GLRA3: variants seen among roughly 807,000 people sequenced by gnomAD.
GLRA3 encodes the protein glycine receptor alpha 3.
In GLRA3, 44 loss-of-function variants were observed where a neutral mutation model predicts 60.4. The observed-to-expected ratio is 0.73, with a 90% CI of 0.57 to 0.94. GLRA3 has a LOEUF of 0.94. Ranked by LOEUF, GLRA3 falls within the 40% of genes least tolerant of loss-of-function variation. The pLI is 0.00. For missense variants in GLRA3, 508 were observed against 564.6 expected (o/e 0.90, Z 1.02); for synonymous variants, 223 against 192.9 (o/e 1.16, Z -1.29).
intron 5 of GLRA3, among the ~76,000 whole-genome samples, chr4:174,690,667 C>T (rs907012112): frequency 1.3e-5 from 2 of 152,104 alleles, no homozygotes; most frequent in Non-Finnish European, 2.9e-5. Flanking sequence ...CTTCCTCTCC[C>T]ACCTCAAGTA....
In GLRA3 at chr4:174,642,146, A is replaced by C. The variant is rs1307226204; in HGVS notation, c.*1640T>G. 1.1e-6 allele frequency: 1 copy of C among 872,754 alleles called. No individual in the cohort carries two copies. The highest frequency in any genetic ancestry group is 1.4e-6 in the Non-Finnish European group (1 of 727,392). 54.1% of individuals were successfully genotyped at this position (872,754 alleles called of 1,614,324 possible). ...CTTTTACTAGCAAAAACTGCTTAAC[A>C]TTTACTATTTTTTAAAATGTTATTT... On this transcript the variant is annotated 3_prime_UTR_variant, in exon 10 of 10. Transcript: ENST00000274093.
At chr4:174,700,290 A>G (rs1365302405) in intron 5 of GLRA3, among the ~76,000 whole-genome samples, 1 of 152,196 alleles carries the variant, frequency 6.6e-6, no homozygotes, top group Admixed American at 6.5e-5. Context: ...GCAACCCTAT[A>G]TTAAGCAAGT....
At chr4:174,670,888 A>G (rs1325948816) in intron 7 of GLRA3, among the ~76,000 whole-genome samples, 1 of 152,066 alleles carries the variant, frequency 6.6e-6, no homozygotes. Context: ...GGACTTTTTT[A>G]TTTACAAAAC....
chr4:174,797,648 G>C (rs1413986413), intron 1 of GLRA3, among the ~76,000 whole-genome samples: 2 of 152,056 alleles, frequency 1.3e-5, no homozygotes, highest in African/African-American at 4.8e-5. Context: ...AGATAAGAGA[G>C]TAATAGCTGG....
At chr4:174,785,725 T>A (rs1020094124) in intron 2 of GLRA3, among the ~76,000 whole-genome samples, 8 of 152,146 alleles carry the variant, frequency 5.3e-5, no homozygotes, top group African/African-American at 1.9e-4. Context: ...GAGGATCAAA[T>A]CATTTAGGTT....
chr4:174,772,776 G>A lies in GLRA3; in HGVS notation c.200-5746C>T, dbSNP rs113651320. ...GTAGGAACTAACATGACTCGTGAAT[G>A]TTTGCATGAACAGGCAAAAGCATAG... On this transcript the variant is annotated intron_variant, in intron 2 of 9. Coordinates refer to ENST00000274093, the MANE Select transcript of GLRA3 (RefSeq NM_006529.4). Among the ~76,000 whole-genome samples the A allele has an allele frequency of 4.9e-3, 745 of 152,224 alleles. 6 individuals are homozygous for A. The highest frequency in any genetic ancestry group is 0.017 in the African/African-American group (713 of 41,536).
chr4:174,822,826 T>C (rs1170985183), intron 1 of GLRA3, among the ~76,000 whole-genome samples: 1 of 152,216 alleles, frequency 6.6e-6, no homozygotes, highest in African/African-American at 2.4e-5. Context: ...TTCCTAATTG[T>C]ACCATTGAGG....
intron 1 of GLRA3, among the ~76,000 whole-genome samples, chr4:174,813,280 G>A (rs1740342621): frequency 6.6e-6 from 1 of 152,126 alleles, no homozygotes; most frequent in Non-Finnish European, 1.5e-5. Flanking sequence ...CTAATACAGT[G>A]CTCCTTTGGA....
At position 174,658,967 on chromosome 4, in the gene GLRA3, C is replaced by T. The variant is rs556030557; in HGVS notation, c.1071+87G>A. The stretch of plus-strand genomic sequence containing the variant: ...ATCATTTCATCCCCAGTCCCAATTG[C>T]TTCTCTTTTCATCTCTATTAAATAC... On this transcript the variant is annotated intron_variant, in intron 8 of 9. Transcript: ENST00000274093. 485 of 1,114,840 alleles carry T rather than the reference C, an allele frequency of 4.4e-4. 1 individual carries two copies. In the African/African-American group the frequency reaches 6.9e-3, roughly 16 times the overall value. The allele number at this position is 1,114,840 out of a possible 1,614,324, so 69.1% of individuals were successfully genotyped here.
At chr4:174,644,530 G>A (rs772586311) in intron 9 of GLRA3, among the ~76,000 whole-genome samples, 7 of 151,674 alleles carry the variant, frequency 4.6e-5, no homozygotes, top group African/African-American at 9.7e-5. Flanking sequence ...CTTTCAATTC[G>A]AAGTCAATTC....
chr4:174,684,520 T>C (rs982564741), intron 5 of GLRA3, among the ~76,000 whole-genome samples: 3 of 152,238 alleles, frequency 2.0e-5, no homozygotes, highest in African/African-American at 7.2e-5. Context: ...CAGATTTTTA[T>C]CTTCTCCTTC....
intron 1 of GLRA3, among the ~76,000 whole-genome samples, chr4:174,816,099 T>C (rs1740490259): frequency 6.6e-6 from 1 of 152,168 alleles, no homozygotes; most frequent in Non-Finnish European, 1.5e-5. Flanking sequence ...AGTGAGTATG[T>C]GGTGGAAGAC....
At chr4:174,796,247 A>G (rs1579622412) in intron 1 of GLRA3, among the ~76,000 whole-genome samples, 1 of 152,306 alleles carries the variant, frequency 6.6e-6, no homozygotes, top group East Asian at 1.9e-4. Flanking sequence ...AAGCAGGCCC[A>G]AAACCAGACA....
intron 6 of GLRA3, among the ~76,000 whole-genome samples, chr4:174,681,727 T>A (rs1185709076): frequency 6.6e-6 from 1 of 152,124 alleles, no homozygotes; most frequent in Non-Finnish European, 1.5e-5. Flanking sequence ...ACACCGTTTG[T>A]GATAGGTTAT....
chr4:174,795,361 G>T (rs750692384), intron 1 of GLRA3, among the ~76,000 whole-genome samples: 1 of 151,720 alleles, frequency 6.6e-6, no homozygotes, highest in Non-Finnish European at 1.5e-5. Flanking sequence ...TTTAATACTG[G>T]AAATTAAAAA....
At chr4:174,672,461 T>G (rs1004574383) in intron 7 of GLRA3, among the ~76,000 whole-genome samples, 1 of 152,170 alleles carries the variant, frequency 6.6e-6, no homozygotes, top group Non-Finnish European at 1.5e-5. Flanking sequence ...GCCATGAGAC[T>G]TGTATAATTT....
intron 5 of GLRA3, among the ~76,000 whole-genome samples, chr4:174,691,466 T>C (rs1479955084): frequency 6.6e-5 from 10 of 152,160 alleles, no homozygotes; most frequent in East Asian, 1.9e-4. Flanking sequence ...ACTGCTGCCA[T>C]CTCGGCTCAC....
intron 6 of GLRA3, 98 bp from the exon 7 acceptor site, chr4:174,677,390 C>CAAAAAAA: frequency 1.4e-6 from 1 of 695,438 alleles, no homozygotes; most frequent in Non-Finnish European, 2.5e-6. Context: ...GACAGGGTCT[C>CAAAAAAA]ACTCTGTCCC....
At position 174,828,866 on chromosome 4, in the gene GLRA3, C is replaced by A; in HGVS notation, c.-55G>T. The A allele has an allele frequency of 8.6e-7, 1 of 1,156,366 alleles. No homozygotes were observed. Among genetic ancestry groups the A allele is most frequent in the Non-Finnish European group, 1.3e-6 (1 of 762,134 alleles). 71.6% of individuals were successfully genotyped at this position (1,156,366 alleles called of 1,614,324 possible). Reference sequence around the variant, plus strand: ...ATAGTCTTATCCAAGGCATGGGGAACCAGAAAGACAGAATGAAAATGTACA... The same window carrying A: ...ATAGTCTTATCCAAGGCATGGGGAAACAGAAAGACAGAATGAAAATGTACA... On this transcript the variant is annotated 5_prime_UTR_variant, in exon 1 of 10. Transcript: ENST00000274093.
Sources: allele counts gnomAD v4.1 joint callset (sites outside exome capture counted in the v4.1 genomes callset), GRCh38; gene constraint gnomAD v4.1.1; transcripts MANE v1.5; gene names NCBI Gene and HGNC (gene_info 2026-07-23, HGNC 2026-07-21).